SLC30A9: variants seen among roughly 807,000 people sequenced by gnomAD.
The protein encoded by SLC30A9 is solute carrier family 30 member 9.
Under a neutral mutation model 87.5 loss-of-function variants are expected in SLC30A9, and 58 were observed. That is an observed-to-expected ratio of 0.66 (90% CI 0.54 to 0.82). The LOEUF (loss-of-function observed/expected upper bound fraction) is 0.82. SLC30A9 is among the 40% of genes least tolerant of loss of function. The probability of loss-of-function intolerance (pLI) is 0.00; values close to 1 mark genes in which losing one functional copy is unlikely to be tolerated. For missense variants in SLC30A9, 557 were observed against 679.1 expected (o/e 0.82, Z 2.00); for synonymous variants, 234 against 233.0 (o/e 1.00, Z -0.04).
At chr4:42,065,289 A>G (rs535998124) in intron 11 of SLC30A9, 21 bp from the exon 12 acceptor site, 12 of 1,172,462 alleles carry the variant, frequency 1.0e-5, no homozygotes, top group Middle Eastern at 1.9e-4. Context: ...TTTATGCTTT[A>G]TTTTAATATT....
intron 10 of SLC30A9, among the ~76,000 whole-genome samples, chr4:42,061,055 A>AT (rs34860960): frequency 1.3e-5 from 2 of 151,598 alleles, no homozygotes; most frequent in East Asian, 1.9e-4. Flanking sequence ...CTTAAGAAAA[A>AT]TTTTTTTTTC....
chr4:42,063,096 C>G lies in SLC30A9; in HGVS notation c.1007C>G (p.Pro336Arg). The change falls in exon 11 of 18, where the codon CCT becomes CGT. Residue 336 changes from proline to arginine, a missense_variant. This residue lies in a region of SLC30A9 where 467 missense variants were observed against 529.8 expected (regional missense o/e 0.88). Coordinates refer to ENST00000264451, the MANE Select transcript of SLC30A9 (RefSeq NM_006345.4). ...CATGGAGTCATGGGATTGCTTCATC[C>G]TCAACCAATAGAATCCCTTCTATGG... ...WYHGVMGLLH[P>R]QPIESLLWAY... 1 of 1,613,740 alleles carries G rather than the reference C, an allele frequency of 6.2e-7. No homozygotes were observed. The highest frequency in any genetic ancestry group is 8.5e-7 in the Non-Finnish European group (1 of 1,179,742).
At chr4:42,067,411 T>C (rs539178315) in intron 14 of SLC30A9, among the ~76,000 whole-genome samples, 4 of 152,338 alleles carry the variant, frequency 2.6e-5, no homozygotes, top group African/African-American at 9.6e-5. Flanking sequence ...GGAAGGCTAT[T>C]TGTAAAGGAT....
intron 6 of SLC30A9, among the ~76,000 whole-genome samples, chr4:42,032,224 C>T (rs1238030305): frequency 1.3e-5 from 2 of 151,832 alleles, no homozygotes; most frequent in East Asian, 3.9e-4. Flanking sequence ...CCCCACCAGG[C>T]CCCACCTCCA....
Position 42,070,583 on chromosome 4 carries a change from T to G in SLC30A9, c.1310T>G (p.Val437Gly). The change falls in exon 15 of 18, where the codon GTC becomes GGC. Residue 437 changes from valine to glycine, a missense_variant. Val to Gly is a moderately radical substitution (Grantham distance 109). Coordinates refer to ENST00000264451, the MANE Select transcript of SLC30A9 (RefSeq NM_006345.4). ...SLGVGTLLGM[V>G]SAFLIYTNTE... ...GGTGTGGGCACCTTATTAGGCATGG[T>G]CTCAGCATTCCTCATCTACACTAAC... is the stretch of plus-strand genomic sequence containing the variant. The G allele has an allele frequency of 1.2e-6, 2 of 1,613,548 alleles. No individual in the cohort carries two copies. Among genetic ancestry groups the G allele is most frequent in the East Asian group, 2.2e-5 (1 of 44,854 alleles).
In SLC30A9 at chr4:42,070,629, G is replaced by A. The variant is rs199508494; in HGVS notation, c.1356G>A (p.Arg452=). ...IYTNTEALLG[R]SIQPEQVQRL... ...CTAACACAGAAGCACTCTTAGGGCG[G>A]TCCATCCAGCCAGAACAAGTACAAC... is the stretch of plus-strand genomic sequence containing the variant. The change falls in exon 15 of 18, where the codon CGG becomes CGA. Residue 452 remains arginine, a synonymous_variant. Transcript: ENST00000264451. 1 of 1,614,026 alleles carries A rather than the reference G, an allele frequency of 6.2e-7. No homozygotes were observed.
chr4:42,061,951 T>C (rs576614394), intron 10 of SLC30A9, among the ~76,000 whole-genome samples: 12 of 150,864 alleles, frequency 8.0e-5, no homozygotes, highest in African/African-American at 2.7e-4. Context: ...TCCCAGCACT[T>C]TGGGAGGCCG....
chr4:42,065,668 T>C (rs1215341686), intron 12 of SLC30A9, among the ~76,000 whole-genome samples: 1 of 152,218 alleles, frequency 6.6e-6, no homozygotes, highest in Non-Finnish European at 1.5e-5. Flanking sequence ...CAGTAACTGA[T>C]GTGGCATGAA....
intron 1 of SLC30A9, among the ~76,000 whole-genome samples, chr4:41,994,007 A>G (rs1243131533): frequency 2.0e-5 from 3 of 152,066 alleles, no homozygotes; most frequent in African/African-American, 7.2e-5. Flanking sequence ...AAATACAAAA[A>G]CTAGCTGGGC....
chr4:42,007,628 G>A (rs1715269370), intron 2 of SLC30A9, among the ~76,000 whole-genome samples: 1 of 152,068 alleles, frequency 6.6e-6, no homozygotes, highest in Non-Finnish European at 1.5e-5. Context: ...ATGGTGGCAC[G>A]CACCTGTAGT....
At chr4:42,052,062 A>G (rs895664818) in intron 9 of SLC30A9, among the ~76,000 whole-genome samples, 2 of 151,592 alleles carry the variant, frequency 1.3e-5, no homozygotes, top group African/African-American at 4.8e-5. Context: ...AGTTGGTTTA[A>G]CATTCAAAAT....
At chr4:42,084,927 C>G (rs1460359758) in intron 17 of SLC30A9, among the ~76,000 whole-genome samples, 1 of 152,238 alleles carries the variant, frequency 6.6e-6, no homozygotes, top group Non-Finnish European at 1.5e-5. Context: ...GTTCCCAGCT[C>G]ATTGTCATAT....
Position 42,049,405 on chromosome 4 carries a change from C to A in SLC30A9, c.766C>A (p.Leu256Ile). The change falls in exon 9 of 18, where the codon CTT (leucine) becomes ATT (isoleucine). Residue 256 changes from leucine to isoleucine, a missense_variant. Leu to Ile is a conservative substitution (Grantham distance 5, BLOSUM62 2). Coordinates refer to ENST00000264451, the MANE Select transcript of SLC30A9 (RefSeq NM_006345.4). Reference protein sequence around the residue: ...INGLNCFFKFLAWIYTGSASM... With the variant: ...INGLNCFFKFIAWIYTGSASM... ...TGGATTAAACTGCTTCTTTAAATTT[C>A]TTGCCTGGATTTATACCGGTTCAGC... is the stretch of plus-strand genomic sequence containing the variant. The A allele has an allele frequency of 6.2e-7, 1 of 1,610,554 alleles. No homozygotes were observed.
rs1185749484 is a variant in SLC30A9 at position 41,990,656 on chromosome 4, T to C, written c.5T>C (p.Leu2Ser). The change falls in exon 1 of 18, where the codon TTA (leucine) becomes TCA (serine). Residue 2 changes from leucine to serine, a missense_variant. This residue lies in a region of SLC30A9 where 467 missense variants were observed against 529.8 expected (regional missense o/e 0.88). Coordinates refer to ENST00000264451, the MANE Select transcript of SLC30A9 (RefSeq NM_006345.4). ...AGGGGCCTCTGCCCCACCAGGATGT[T>C]ACCCGGCTTGGCCGCCGCCGCGGCC... The part of the protein sequence containing the change: M[L>S]PGLAAAAAHR... The C allele has an allele frequency of 6.2e-7, 1 of 1,605,254 alleles. No homozygotes were observed. The highest frequency in any genetic ancestry group is 1.7e-5 in the Admixed American group (1 of 59,482).
intron 2 of SLC30A9, among the ~76,000 whole-genome samples, chr4:42,009,880 A>G (rs2153133977): frequency 6.6e-6 from 1 of 152,308 alleles, no homozygotes; most frequent in South Asian, 2.1e-4. Context: ...AGTTTTGAAA[A>G]TGTATTATTC....
In SLC30A9 at chr4:42,018,161, C is replaced by A; in HGVS notation, c.325C>A (p.Gln109Lys). Residue 109 changes from glutamine (Q) to lysine (K), a missense_variant, in exon 3 of 18, where the codon CAA (glutamine) becomes AAA (lysine). Coordinates refer to ENST00000264451, the MANE Select transcript of SLC30A9 (RefSeq NM_006345.4). ...LKAPLKQEPL[Q>K]VRVKAVLKKR... Reference sequence around the variant, plus strand: ...AGCTCCACTTAAGCAAGAACCTCTCCAAGTAAGAGGTAAATATATTTTATC... The same window carrying A: ...AGCTCCACTTAAGCAAGAACCTCTCAAAGTAAGAGGTAAATATATTTTATC... 6.5e-7 allele frequency: 1 copy of A among 1,530,262 alleles called. No individual in the cohort carries two copies. Among genetic ancestry groups the A allele is most frequent in the Non-Finnish European group, 9.0e-7 (1 of 1,107,766 alleles). The allele number at this position is 1,530,262 out of a possible 1,614,324, so 94.8% of individuals were successfully genotyped here. A position where few individuals can be genotyped will look rare whatever the true frequency, so the allele number is the denominator to read the frequency against.
chr4:42,061,023 C>T (rs1305274213), intron 10 of SLC30A9, among the ~76,000 whole-genome samples: 4 of 152,074 alleles, frequency 2.6e-5, no homozygotes, highest in South Asian at 4.1e-4. Flanking sequence ...GTTAATTACC[C>T]ATCATTACAG....
chr4:42,023,791 C>T (rs578037553), intron 6 of SLC30A9, among the ~76,000 whole-genome samples: 11 of 152,224 alleles, frequency 7.2e-5, no homozygotes, highest in South Asian at 2.1e-4. Context: ...CTCACAGTTC[C>T]GCATGGCTGG....
intron 17 of SLC30A9, among the ~76,000 whole-genome samples, chr4:42,082,216 C>CAA (rs372152135): frequency 6.6e-5 from 9 of 136,472 alleles, no homozygotes; most frequent in African/African-American, 2.6e-4. Flanking sequence ...GACTCCGTCT[C>CAA]AAAAAAAAAA....
Sources: gnomAD v4.1 joint callset for allele counts (sites outside exome capture counted in the v4.1 genomes callset) on GRCh38, gnomAD v4.1.1 for gene constraint, gnomAD v4.1.1 regional missense constraint, MANE v1.5 for transcripts, NCBI Gene and HGNC (gene_info 2026-07-23, HGNC 2026-07-21) for gene names.